NPTX1: variants seen among roughly 807,000 people sequenced by gnomAD.
NPTX1 encodes neuronal pentraxin 1, also known as neuronal pentraxin-1.
NPTX1 carries 12 observed loss-of-function variants against 38.7 expected under a neutral mutation model. That is an observed-to-expected ratio of 0.31 (90% CI 0.20 to 0.50). The LOEUF (loss-of-function observed/expected upper bound fraction) is 0.50, where lower values mean the gene tolerates loss of function less well. Among genes scored for constraint, NPTX1 ranks in the 20% least tolerant of loss-of-function variants. The pLI, the probability that NPTX1 is intolerant of heterozygous loss-of-function variation, is 0.98. For missense variants in NPTX1, 454 were observed against 592.2 expected (o/e 0.77, Z 2.42); for synonymous variants, 272 against 264.9 (o/e 1.03, Z -0.26).
At chr17:80,472,447 C>T in intron 3 of NPTX1, among the ~76,000 whole-genome samples, 1 of 152,224 alleles carries the variant, frequency 6.6e-6, no homozygotes, top group East Asian at 1.9e-4. Context: ...CCTGGAATTT[C>T]ACTCTCCCAC....
chr17:80,471,587 C>T (rs2083842287), intron 4 of NPTX1, 145 bp downstream of exon 4: 1 of 1,318,402 alleles, frequency 7.6e-7, no homozygotes, highest in African/African-American at 1.5e-5. Context: ...CCACCCAGGG[C>T]ACAGGCCTTG....
Position 80,470,950 on chromosome 17 carries a change from G to C in NPTX1, c.1162C>G (p.Pro388Ala), listed in dbSNP as rs73432807. Residue 388 changes from proline to alanine, a missense_variant, in exon 5 of 5, where the codon CCC (proline) becomes GCC (alanine). By Grantham distance (27) the Pro-to-Ala change is conservative (BLOSUM62 -1). Transcript: ENST00000306773. ...HFNIWDRKLTPGEVYNLATCS... is the reference protein window; with the variant it reads ...HFNIWDRKLTAGEVYNLATCS... Reference sequence around the variant, plus strand: ...GTGGCCAGGTTGTACACCTCCCCGGGGGTCAGCTTGCGGTCCCAGATGTTG... The same window carrying C: ...GTGGCCAGGTTGTACACCTCCCCGGCGGTCAGCTTGCGGTCCCAGATGTTG... The C allele has an allele frequency of 1.9e-6, 3 of 1,613,716 alleles. No homozygotes were observed. Among genetic ancestry groups the C allele is most frequent in the African/African-American group, 1.3e-5 (1 of 74,898 alleles).
In NPTX1 at chr17:80,470,825, G is replaced by A. The variant is rs751197173; in HGVS notation, c.1287C>T (p.Arg429=). 5.6e-6 allele frequency: 9 copies of A among 1,593,724 alleles called. No homozygotes were observed. The highest frequency in any genetic ancestry group is 7.7e-6 in the Non-Finnish European group (9 of 1,165,046). Residue 429 remains arginine, a synonymous_variant, in exon 5 of 5, where the codon CGC becomes CGT. Transcript: ENST00000306773. ...GATKWTFEAC[R]QIN is the part of the protein sequence containing the mutation. ...TGGCCTGCCGTGCTCAGTTGATCTGGCGACAGGCCTCGAAGGTCCACTTGG... is the reference window on the plus strand; with the variant it reads ...TGGCCTGCCGTGCTCAGTTGATCTGACGACAGGCCTCGAAGGTCCACTTGG...
chr17:80,473,057 C>T (rs11657587), intron 3 of NPTX1, 143 bp downstream of exon 3: 382,816 of 811,748 alleles, frequency 0.47, 103,851 homozygotes, highest in Admixed American at 0.59. Flanking sequence ...TTCACCCTCC[C>T]CCTCCCTCAG....
At position 80,470,766 on chromosome 17, in the gene NPTX1, C is replaced by T; in HGVS notation, c.*47G>A. 7.6e-7 allele frequency: 1 copy of T among 1,315,900 alleles called. No homozygotes were observed. The highest frequency in any genetic ancestry group is 1.1e-6 in the Non-Finnish European group (1 of 939,836). The allele number at this position is 1,315,900 out of a possible 1,614,324, so 81.5% of individuals were successfully genotyped here. A position where few individuals can be genotyped will look rare whatever the true frequency, so the allele number is the denominator to read the frequency against. On this transcript the variant is annotated 3_prime_UTR_variant, in exon 5 of 5. Transcript: ENST00000306773. ...AGACGCACAAAACAGATCATCGCCG[C>T]ACAAGCAGGGGGCGAGGGCGGGCGG...
intron 4 of NPTX1, 34 bp downstream of exon 4, chr17:80,471,698 T>A (rs1474674061): frequency 6.3e-7 from 1 of 1,584,158 alleles, no homozygotes; most frequent in East Asian, 2.3e-5. Context: ...GTTCTGAAGC[T>A]CTCTCCCCTT....
intron 3 of NPTX1, 49 bp downstream of exon 3, chr17:80,473,151 G>A: frequency 2.5e-6 from 4 of 1,588,684 alleles, no homozygotes; most frequent in Non-Finnish European, 3.4e-6. Flanking sequence ...CATGAGCTGG[G>A]GCCCTGGGGC....
intron 3 of NPTX1, 150 bp downstream of exon 3, chr17:80,473,049 CA>C (rs1452016522): frequency 8.1e-6 from 7 of 862,926 alleles, no homozygotes; most frequent in Middle Eastern, 3.5e-4. Context: ...TCCTGGTCTT[CA>C]CCCTCCCCCT....
In NPTX1 at chr17:80,468,580, A is replaced by AC. The variant is rs1468133625; in HGVS notation, c.*2232_*2233insG. On this transcript the variant is annotated 3_prime_UTR_variant, in exon 5 of 5. Coordinates refer to ENST00000306773, the MANE Select transcript of NPTX1 (RefSeq NM_002522.4). ...GATCTGGTCTAGAGAGGCGACTCCA[A>AC]GCTCTCTTGCTGGCTCCCAGCTGTG... is the stretch of plus-strand genomic sequence containing the variant. 1.3e-5 allele frequency: 2 copies of AC among 152,260 alleles called. No homozygotes were observed. The highest frequency in any genetic ancestry group is 2.9e-5 in the Non-Finnish European group (2 of 68,064). 9.4% of individuals were successfully genotyped at this position (152,260 alleles called of 1,614,324 possible).
chr17:80,471,761 G>A lies in NPTX1; in HGVS notation c.1048C>T (p.Gln350Ter), dbSNP rs2083843540. 1 of 1,612,916 alleles carries A rather than the reference G, an allele frequency of 6.2e-7. No individual in the cohort carries two copies. ...NLAPYHPIKP[Q>*]GVLVLGQEQD... Reference sequence around the variant, plus strand: ...TCCTGGCCCAGCACCAGCACGCCCTGGGGCTTGATGGGGTGATAGGGCGCC... The same window carrying A: ...TCCTGGCCCAGCACCAGCACGCCCTAGGGCTTGATGGGGTGATAGGGCGCC... Residue 350 changes from glutamine (Q) to a stop codon, truncating the protein, a stop_gained, in exon 4 of 5, where the codon CAG becomes TAG. Transcript: ENST00000306773. LOFTEE classifies it high-confidence loss of function.
intron 4 of NPTX1, 150 bp from the exon 5 acceptor site, chr17:80,471,184 C>A: frequency 1.6e-6 from 1 of 627,530 alleles, no homozygotes; most frequent in East Asian, 2.8e-5. Context: ...CTGTCCCTGA[C>A]TCTCCAGCCC....
At chr17:80,473,879 C>G (rs543423507) in intron 2 of NPTX1, 1 of 200,232 alleles carries the variant, frequency 5.0e-6, no homozygotes, top group East Asian at 1.4e-4. Context: ...CAGGATGGGG[C>G]GGGGCTCAGA....
rs2083884749 is a variant in NPTX1, at chr17:80,476,548, T to G, written c.-102A>C. On this transcript the variant is annotated 5_prime_UTR_variant, in exon 1 of 5. Coordinates refer to ENST00000306773, the MANE Select transcript of NPTX1 (RefSeq NM_002522.4). This position sits in a 1 kb window ranked among gnomAD's most constrained non-coding sequence, Gnocchi z 6.3. ...GTGGCTCCGCGAGCGGCCCGCGCTCTGGGCGCCGCGCTCTTCGGCCGCGCG... is the reference window on the plus strand; with the variant it reads ...GTGGCTCCGCGAGCGGCCCGCGCTCGGGGCGCCGCGCTCTTCGGCCGCGCG... 3.5e-6 allele frequency: 2 copies of G among 569,436 alleles called. No homozygotes were observed. Among genetic ancestry groups the G allele is most frequent in the African/African-American group, 4.1e-5 (2 of 48,952 alleles). 35.3% of individuals were successfully genotyped at this position (569,436 alleles called of 1,614,324 possible).
In NPTX1 at chr17:80,476,025, T is replaced by C; in HGVS notation, c.422A>G (p.Lys141Arg). 1 of 1,608,412 alleles carries C rather than the reference T, an allele frequency of 6.2e-7. No individual in the cohort carries two copies. The highest frequency in any genetic ancestry group is 8.5e-7 in the Non-Finnish European group (1 of 1,178,220). Residue 141 changes from lysine to arginine, a missense_variant, in exon 1 of 5, where the codon AAA becomes AGA. By Grantham distance (26) the Lys-to-Arg change is conservative (BLOSUM62 2). Around this residue, in one of 4 missense-constraint regions of NPTX1, gnomAD observed 288 missense variants for 318.4 expected, o/e 0.90. Transcript: ENST00000306773. The surrounding 1 kb of genome is among the most constrained non-coding windows in gnomAD (Gnocchi z 6.3). ...SQLGQTLQSLKTRLENLEQYS... is the reference protein window; with the variant it reads ...SQLGQTLQSLRTRLENLEQYS... ...GACCTCGAGGTTCTCCAGGCGGGTTTTGAGCGATTGCAAAGTTTGCCCGAG... is the reference window on the plus strand; with the variant it reads ...GACCTCGAGGTTCTCCAGGCGGGTTCTGAGCGATTGCAAAGTTTGCCCGAG...
In NPTX1 at chr17:80,467,840, T is replaced by G. The variant is rs1379984364; in HGVS notation, c.*2973A>C. 6.6e-6 allele frequency: 1 copy of G among 152,616 alleles called. No individual in the cohort carries two copies. The highest frequency in any genetic ancestry group is 1.5e-5 in the Non-Finnish European group (1 of 68,052). 9.5% of individuals were successfully genotyped at this position (152,616 alleles called of 1,614,324 possible). On this transcript the variant is annotated 3_prime_UTR_variant, in exon 5 of 5. Transcript: ENST00000306773. ...AAAATACTCTTGTTTGGTAATAAACTTTTTCTTCTACAGTAAGAGAAATAA... is the reference window on the plus strand; with the variant it reads ...AAAATACTCTTGTTTGGTAATAAACGTTTTCTTCTACAGTAAGAGAAATAA...
At position 80,468,297 on chromosome 17, in the gene NPTX1, AGCGG is replaced by A. The variant is rs1159504639; in HGVS notation, c.*2512_*2515del. 6.5e-6 allele frequency: 1 copy of A among 153,090 alleles called. No homozygotes were observed. The highest frequency in any genetic ancestry group is 2.4e-5 in the African/African-American group (1 of 41,440). The allele number at this position is 153,090 out of a possible 1,614,324, so 9.5% of individuals were successfully genotyped here. A position where few individuals can be genotyped will look rare whatever the true frequency, so the allele number is the denominator to read the frequency against. On this transcript the variant is annotated 3_prime_UTR_variant, in exon 5 of 5. Transcript: ENST00000306773. ...GGTCAGAGGAGGGGTGAGGAAGGTG[AGCGG>A]GCCAGGAGGCTGCAGGGGTGGAGGC... is the stretch of plus-strand genomic sequence containing the variant.
Position 80,470,709 on chromosome 17 carries a change from C to T in NPTX1, c.*104G>A. 1 of 837,524 alleles carries T rather than the reference C, an allele frequency of 1.2e-6. No individual in the cohort carries two copies. Among genetic ancestry groups the T allele is most frequent in the Non-Finnish European group, 1.9e-6 (1 of 536,216 alleles). The allele number at this position is 837,524 out of a possible 1,614,324, so 51.9% of individuals were successfully genotyped here. ...CGTGTGCGTGTGCAGGGGCGACGGC[C>T]TCGGTTCATTCCTGGGGAAAAGGGA... On this transcript the variant is annotated 3_prime_UTR_variant, in exon 5 of 5. Coordinates refer to ENST00000306773, the MANE Select transcript of NPTX1 (RefSeq NM_002522.4).
rs1286361130 is a variant in NPTX1 at position 80,475,950 on chromosome 17, G to C, written c.444+53C>G. The stretch of plus-strand genomic sequence containing the variant: ...CGGGTAGGGAACGGGGTGGGGGAGG[G>C]CAGAGGGGCGAGCGAGCCGGAGGGG... On this transcript the variant is annotated intron_variant, in intron 1 of 4. Transcript: ENST00000306773. This position sits in a 1 kb window ranked among gnomAD's most constrained non-coding sequence, Gnocchi z 6.5. 3 of 1,440,094 alleles carry C rather than the reference G, an allele frequency of 2.1e-6. No individual in the cohort carries two copies. The highest frequency in any genetic ancestry group is 2.9e-6 in the Non-Finnish European group (3 of 1,034,874). 89.2% of individuals were successfully genotyped at this position (1,440,094 alleles called of 1,614,324 possible). A position where few individuals can be genotyped will look rare whatever the true frequency, so the allele number is the denominator to read the frequency against.
At position 80,470,824 on chromosome 17, in the gene NPTX1, G is replaced by A; in HGVS notation, c.1288C>T (p.Gln430Ter). 1 of 1,593,154 alleles carries A rather than the reference G, an allele frequency of 6.3e-7. No individual in the cohort carries two copies. The highest frequency in any genetic ancestry group is 8.6e-7 in the Non-Finnish European group (1 of 1,164,516). ...CTGGCCTGCCGTGCTCAGTTGATCT[G>A]GCGACAGGCCTCGAAGGTCCACTTG... The part of the protein sequence containing the change: ...ATKWTFEACR[Q>*]IN The change falls in exon 5 of 5, where the codon CAG becomes TAG. Residue 430 changes from glutamine (Q) to a stop codon, truncating the protein, a stop_gained. Coordinates refer to ENST00000306773, the MANE Select transcript of NPTX1 (RefSeq NM_002522.4). LOFTEE classifies it high-confidence loss of function.
Sources: gnomAD v4.1 joint callset for allele counts (sites outside exome capture counted in the v4.1 genomes callset) on GRCh38, gnomAD v4.1.1 for gene constraint, gnomAD v4.1.1 regional missense constraint, Gnocchi (gnomAD v3.1) non-coding constraint, MANE v1.5 for transcripts, NCBI Gene and HGNC (gene_info 2026-07-23, HGNC 2026-07-21) for gene names.